Variants in CLVS2 observed in about 807,000 individuals in gnomAD.
The protein encoded by CLVS2 is clavesin-2.
In CLVS2, 19 loss-of-function variants were observed where a neutral mutation model predicts 29.0. The observed-to-expected ratio is 0.66, with a 90% CI of 0.46 to 0.96. The LOEUF (loss-of-function observed/expected upper bound fraction) is 0.96, where lower values mean the gene tolerates loss of function less well. CLVS2 is among the 40% of genes least tolerant of loss of function. CLVS2 has a pLI of 0.00. For missense variants in CLVS2, 294 were observed against 404.1 expected (o/e 0.73, Z 2.34); for synonymous variants, 161 against 151.3 (o/e 1.06, Z -0.47).
intron 4 of CLVS2, among the ~76,000 whole-genome samples, chr6:123,053,943 T>C (rs1486309835): frequency 6.6e-6 from 1 of 152,100 alleles, no homozygotes; most frequent in Admixed American, 6.6e-5. Flanking sequence ...GAAGGCAAAA[T>C]ACATAGACAC....
chr6:123,040,769 A>AAAAGAAAAGAAAAG (rs1775217567), intron 3 of CLVS2, among the ~76,000 whole-genome samples: 1 of 145,958 alleles, frequency 6.9e-6, no homozygotes, highest in Non-Finnish European at 1.5e-5. Context: ...CTCCGTCTCA[A>AAAAGAAAAGAAAAG]AAAAGAAAAG....
rs772677358 is a variant in CLVS2, at chr6:123,048,702, G to A, written c.645G>A (p.Arg215=). 4 of 1,612,668 alleles carry A rather than the reference G, an allele frequency of 2.5e-6. No homozygotes were observed. Among genetic ancestry groups the A allele is most frequent in the Non-Finnish European group, 3.4e-6 (4 of 1,179,006 alleles). The change falls in exon 4 of 6, where the codon CGG becomes CGA. Residue 215 remains arginine, a synonymous_variant. Transcript: ENST00000275162. ...TCCATGCCCTGTACACCGTGATCCG[G>A]CCTTTCCTGAAGGAGAAAACTCGGA... ...WYIHALYTVI[R]PFLKEKTRKR... is the part of the protein sequence containing the mutation.
chr6:123,029,735 G>A (rs1023885419), intron 3 of CLVS2, among the ~76,000 whole-genome samples: 10 of 152,118 alleles, frequency 6.6e-5, no homozygotes, highest in African/African-American at 2.2e-4. Context: ...GATAAATCTA[G>A]CATCCCTATG....
chr6:123,011,223 T>G, intron 3 of CLVS2, 64 bp downstream of exon 3: 1 of 1,248,302 alleles, frequency 8.0e-7, no homozygotes, highest in Non-Finnish European at 1.1e-6. Context: ...TCTAATGTGT[T>G]AGAATGAAAA....
intron 3 of CLVS2, among the ~76,000 whole-genome samples, chr6:123,012,039 C>A (rs963976933): frequency 6.6e-6 from 1 of 151,894 alleles, no homozygotes; most frequent in African/African-American, 2.4e-5. Flanking sequence ...TAAAAGTGGG[C>A]AACTTTTCCA....
rs1490318161 is a variant in CLVS2 at position 123,022,963 on chromosome 6, A to G, written c.564+11804A>G. On this transcript the variant is annotated intron_variant, in intron 3 of 5. Coordinates refer to ENST00000275162, the MANE Select transcript of CLVS2 (RefSeq NM_001010852.4). ...AACATAAGGTGGATGATAAACATCA[A>G]AGCAGGTCCTATTAAATGCTAAATG... Among the ~76,000 whole-genome samples the G allele has an allele frequency of 3.9e-5, 6 of 152,138 alleles. No homozygotes were observed. The East Asian group carries it at 1.2e-3, about 29-fold the overall frequency.
chr6:123,032,882 A>G (rs1254822031), intron 3 of CLVS2, among the ~76,000 whole-genome samples: 1 of 152,152 alleles, frequency 6.6e-6, no homozygotes, highest in Admixed American at 6.6e-5. Flanking sequence ...AGATCATACA[A>G]TGACAGGTTT....
intron 4 of CLVS2, among the ~76,000 whole-genome samples, chr6:123,053,280 G>T (rs916759095): frequency 5.3e-5 from 8 of 152,110 alleles, no homozygotes; most frequent in African/African-American, 1.9e-4. Context: ...GGAGGCGGAG[G>T]TTGCAGTGAG....
In CLVS2 at chr6:122,997,589, C is replaced by CCCCA; in HGVS notation, c.-189_-188insCCCA. ...AGAAGTTTACACCCCCCGGCCCCCCCAGCTTTGCTGGGGGAAAGCAGGAGC... is the reference window on the plus strand; with the variant it reads ...AGAAGTTTACACCCCCCGGCCCCCCCCCCAAGCTTTGCTGGGGGAAAGCAGGAGC... On this transcript the variant is annotated 5_prime_UTR_variant, in exon 2 of 6. An upstream open reading frame in the 5' UTR loses its in-frame stop. Coordinates refer to ENST00000275162, the MANE Select transcript of CLVS2 (RefSeq NM_001010852.4). The CCCCA allele has an allele frequency of 1.6e-6, 1 of 625,336 alleles. No individual in the cohort carries two copies. 38.7% of individuals were successfully genotyped at this position (625,336 alleles called of 1,614,324 possible).
chr6:123,047,380 A>C (rs1233410169), intron 3 of CLVS2, among the ~76,000 whole-genome samples: 1 of 152,150 alleles, frequency 6.6e-6, no homozygotes, highest in African/African-American at 2.4e-5. Flanking sequence ...CACTGGCATA[A>C]AAAGTAAAAG....
intron 5 of CLVS2, among the ~76,000 whole-genome samples, chr6:123,056,438 G>A (rs9482328): frequency 0.091 from 13,775 of 151,966 alleles, 710 homozygotes; most frequent in South Asian, 0.15. Flanking sequence ...CTATGAGTTC[G>A]ACTTTTTTTA....
At chr6:123,041,943 A>G (rs1260913007) in intron 3 of CLVS2, among the ~76,000 whole-genome samples, 2 of 152,212 alleles carry the variant, frequency 1.3e-5, no homozygotes, top group African/African-American at 4.8e-5. Flanking sequence ...TTCAAAATAT[A>G]TTCGTATTTC....
chr6:123,001,049 T>C (rs1350421343), intron 2 of CLVS2, among the ~76,000 whole-genome samples: 1 of 152,232 alleles, frequency 6.6e-6, no homozygotes, highest in African/African-American at 2.4e-5. Flanking sequence ...TTATTATATT[T>C]AGTACGGCAC....
intron 2 of CLVS2, among the ~76,000 whole-genome samples, chr6:123,004,051 T>C (rs1774628983): frequency 6.6e-6 from 1 of 152,096 alleles, no homozygotes; most frequent in Non-Finnish European, 1.5e-5. Context: ...GATAATTCCA[T>C]CTATGGTTTA....
chr6:122,997,579 C>G lies in CLVS2; in HGVS notation c.-199C>G. 2 of 611,416 alleles carry G rather than the reference C, an allele frequency of 3.3e-6. No homozygotes were observed. Among genetic ancestry groups the G allele is most frequent in the Non-Finnish European group, 5.8e-6 (2 of 342,650 alleles). 37.9% of individuals were successfully genotyped at this position (611,416 alleles called of 1,614,324 possible). On this transcript the variant is annotated 5_prime_UTR_variant, in exon 2 of 6. Coordinates refer to ENST00000275162, the MANE Select transcript of CLVS2 (RefSeq NM_001010852.4). ...GGGCAGAGGAAGAAGTTTACACCCC[C>G]CGGCCCCCCCAGCTTTGCTGGGGGA...
In CLVS2 at chr6:123,068,650, A is replaced by G. The variant is rs927484815; in HGVS notation, c.*4889A>G. ...CAAAGCTATCCAGGAAAAATAAAAG[A>G]TGTCTAACAGGAAATCATACAAGTC... is the stretch of plus-strand genomic sequence containing the variant. On this transcript the variant is annotated 3_prime_UTR_variant, in exon 6 of 6. Transcript: ENST00000275162. The G allele has an allele frequency of 1.3e-5, 2 of 151,888 alleles. No homozygotes were observed. The highest frequency in any genetic ancestry group is 2.4e-5 in the African/African-American group (1 of 41,536). 9.4% of individuals were successfully genotyped at this position (151,888 alleles called of 1,614,324 possible). A position where few individuals can be genotyped will look rare whatever the true frequency, so the allele number is the denominator to read the frequency against.
rs144519600 is a variant in CLVS2, at chr6:123,066,340, A to ACT, written c.*2595_*2596dup. On this transcript the variant is annotated 3_prime_UTR_variant, in exon 6 of 6. Transcript: ENST00000275162. ...ATTTTAATTGCAATAGTATACCTCCACTCTCTCTCTCTCTCTCATACACAC... is the reference window on the plus strand; with the variant it reads ...ATTTTAATTGCAATAGTATACCTCCACTCTCTCTCTCTCTCTCTCATACACAC... 17,690 of 146,894 alleles carry ACT rather than the reference A, an allele frequency of 0.12. 1,250 individuals are homozygous for ACT. The highest frequency in any genetic ancestry group is 0.2 in the African/African-American group (7,924 of 40,210). The allele number at this position is 146,894 out of a possible 1,614,324, so 9.1% of individuals were successfully genotyped here.
At chr6:123,053,173 C>T (rs540335789) in intron 4 of CLVS2, among the ~76,000 whole-genome samples, 7 of 152,080 alleles carry the variant, frequency 4.6e-5, no homozygotes, top group South Asian at 2.1e-4. Flanking sequence ...GGTGAAACCC[C>T]GTCTCTACTA....
Position 123,027,095 on chromosome 6 carries a change from A to T in CLVS2, c.564+15936A>T, listed in dbSNP as rs532007278. On this transcript the variant is annotated intron_variant, in intron 3 of 5. Transcript: ENST00000275162. ...TAATGAGTCTAGGCTGTCTGATGTG[A>T]AGAGTTGATCAAAGGAAGGCAAGCA... 1.1e-4 allele frequency among the ~76,000 whole-genome samples: 17 copies of T among 152,260 alleles called. No individual in the cohort carries two copies. In the South Asian group the frequency reaches 3.5e-3, roughly 32 times the overall value.
Sources: gnomAD v4.1 joint callset for allele counts (sites outside exome capture counted in the v4.1 genomes callset) on GRCh38, gnomAD v4.1.1 for gene constraint, MANE v1.5 for transcripts, NCBI Gene and HGNC (gene_info 2026-07-23, HGNC 2026-07-21) for gene names.